The following NBAS variants were observed in gnomAD, a reference collection of about 807,000 sequenced individuals.
NBAS encodes NAG/BC035112 fusion.
A neutral mutation model predicts 302.5 loss-of-function variants in NBAS; 219 were observed. The observed-to-expected ratio is 0.72, with a 90% CI of 0.65 to 0.81. The LOEUF is 0.81. Among genes scored for constraint, NBAS ranks in the 30% least tolerant of loss-of-function variants. The pLI, the probability that NBAS is intolerant of heterozygous loss-of-function variation, is 0.00. For synonymous variants in NBAS, 1,118 were observed against 1,021.6 expected (o/e 1.09, Z -1.80); for missense variants, 2,932 against 2,841.6 (o/e 1.03, Z -0.72).
chr2:15,146,620 G>A, the NBAS span, among the ~76,000 whole-genome samples: 2 of 152,086 alleles, frequency 1.3e-5, no homozygotes, highest in African/African-American at 4.8e-5. Context: ...CCCGAAGAAC[G>A]TCCCAGGCAT....
rs148331719 is a variant in NBAS at position 15,342,570 on chromosome 2, T to C, written c.4179+9422A>G. ...ACTTAGGAATATGGAAGGAAACATA[T>C]GAAGTTAGAAATGTTTATATCTAAG... On this transcript the variant is annotated intron_variant, in intron 35 of 51. Coordinates refer to ENST00000281513, the MANE Select transcript of NBAS (RefSeq NM_015909.4). 3.0e-3 allele frequency among the ~76,000 whole-genome samples: 451 copies of C among 152,166 alleles called. 1 individual carries two copies. Among genetic ancestry groups the C allele is most frequent in the African/African-American group, 0.01 (418 of 41,550 alleles).
Position 15,182,509 on chromosome 2 carries a change from G to T in NBAS, c.6712-3393C>A, listed in dbSNP as rs1350584786. Among the ~76,000 whole-genome samples, 4 of 152,132 alleles carry T rather than the reference G, an allele frequency of 2.6e-5. No individual in the cohort carries two copies. In the South Asian group the frequency reaches 8.3e-4, roughly 32 times the overall value. ...CTTTTAGAAGCTGGGAATTATTAAG[G>T]CTCACTCATGAGCTGGGTGACTTAA... On this transcript the variant is annotated intron_variant, in intron 50 of 51. Coordinates refer to ENST00000281513, the MANE Select transcript of NBAS (RefSeq NM_015909.4).
Position 15,172,444 on chromosome 2 carries a change from G to A in NBAS, c.6841-5121C>T, listed in dbSNP as rs141260643. On this transcript the variant is annotated intron_variant, in intron 51 of 51. Coordinates refer to ENST00000281513, the MANE Select transcript of NBAS (RefSeq NM_015909.4). ...AACCTATTGTTTACAGTTCTGTTTC[G>A]GTTGTTTTTTGTTGTATAGAAGTTT... 5.9e-5 allele frequency among the ~76,000 whole-genome samples: 9 copies of A among 152,104 alleles called. No homozygotes were observed. The East Asian group carries it at 9.7e-4, about 16-fold the overall frequency.
At position 15,338,674 on chromosome 2, in the gene NBAS, T is replaced by TACACACACACACAC. The variant is rs70961409; in HGVS notation, c.4180-7923_4180-7910dup. Among the ~76,000 whole-genome samples the TACACACACACACAC allele has an allele frequency of 4.5e-3, 604 of 134,824 alleles. 9 individuals are homozygous for TACACACACACACAC. Among genetic ancestry groups the TACACACACACACAC allele is most frequent in the Middle Eastern group, 7.1e-3 (2 of 280 alleles). The allele number at this position is 134,824 out of a possible 152,430, so 88.4% of individuals were successfully genotyped here. A position where few individuals can be genotyped will look rare whatever the true frequency, so the allele number is the denominator to read the frequency against. On this transcript the variant is annotated intron_variant, in intron 35 of 51. Coordinates refer to ENST00000281513, the MANE Select transcript of NBAS (RefSeq NM_015909.4). ...ACTCACATGAATACAAACACACACA[T>TACACACACACACAC]ACACACACACACACACACACACACA...
chr2:15,321,525 C>A (rs1433265433), intron 38 of NBAS, among the ~76,000 whole-genome samples: 3 of 152,082 alleles, frequency 2.0e-5, no homozygotes, highest in African/African-American at 7.2e-5. Flanking sequence ...CCAGAATCTA[C>A]AAAGAACTGA....
At chr2:15,364,109 C>G (rs926315323) in intron 32 of NBAS, among the ~76,000 whole-genome samples, 5 of 152,308 alleles carry the variant, frequency 3.3e-5, no homozygotes, top group Non-Finnish European at 7.4e-5. Flanking sequence ...GCAGAACCTT[C>G]AGCCCCATTA....
chr2:15,207,637 G>A (rs963725880), intron 48 of NBAS, among the ~76,000 whole-genome samples: 2 of 152,086 alleles, frequency 1.3e-5, no homozygotes, highest in Non-Finnish European at 2.9e-5. Context: ...TCATGGGGGT[G>A]GACTTCCCCC....
intron 12 of NBAS, among the ~76,000 whole-genome samples, chr2:15,482,776 T>A (rs1680482498): frequency 6.6e-6 from 1 of 152,098 alleles, no homozygotes; most frequent in East Asian, 1.9e-4. Flanking sequence ...TATCTTTACA[T>A]CTTCCATTCC....
At chr2:14,964,551 G>A in the NBAS span, among the ~76,000 whole-genome samples, 1 of 152,128 alleles carries the variant, frequency 6.6e-6, no homozygotes, top group African/African-American at 2.4e-5. Context: ...AGGGAAAATT[G>A]ATTGATAGAA....
chr2:15,129,870 C>T, the NBAS span, among the ~76,000 whole-genome samples: 4 of 152,208 alleles, frequency 2.6e-5, no homozygotes, highest in African/African-American at 7.2e-5. Context: ...AAAGGCATAC[C>T]GTGTCCTCAC....
intron 9 of NBAS, among the ~76,000 whole-genome samples, chr2:15,529,152 G>A (rs887449362): frequency 1.3e-5 from 2 of 151,698 alleles, no homozygotes; most frequent in East Asian, 1.9e-4. Flanking sequence ...AAACATATTC[G>A]AAAAGTATAT....
chr2:15,489,274 T>C (rs1680758535), intron 11 of NBAS, among the ~76,000 whole-genome samples: 1 of 152,160 alleles, frequency 6.6e-6, no homozygotes, highest in African/African-American at 2.4e-5. Flanking sequence ...TATTTACATA[T>C]AACCGAAAAA....
chr2:15,088,347 C>A, the NBAS span, among the ~76,000 whole-genome samples: 1 of 152,156 alleles, frequency 6.6e-6, no homozygotes, highest in African/African-American at 2.4e-5. Context: ...TGACAAGAGA[C>A]AATTTTTAAT....
the NBAS span, among the ~76,000 whole-genome samples, chr2:15,034,469 T>G: frequency 1.3e-5 from 2 of 152,070 alleles, no homozygotes; most frequent in Non-Finnish European, 2.9e-5. Flanking sequence ...CTTTCAGAAC[T>G]GTGAAAAATA....
chr2:15,245,076 T>G (rs1668030468), intron 44 of NBAS, among the ~76,000 whole-genome samples: 1 of 152,128 alleles, frequency 6.6e-6, no homozygotes, highest in South Asian at 2.1e-4. Context: ...GGTTGCTTTG[T>G]TACTCCAGCA....
At chr2:15,092,471 A>G in the NBAS span, among the ~76,000 whole-genome samples, 6 of 152,262 alleles carry the variant, frequency 3.9e-5, no homozygotes, top group African/African-American at 1.4e-4. Flanking sequence ...GTAAAGATTC[A>G]TAAATTAGCT....
chr2:15,534,163 A>G (rs1159264977), intron 9 of NBAS, among the ~76,000 whole-genome samples: 2 of 152,320 alleles, frequency 1.3e-5, no homozygotes, highest in South Asian at 2.1e-4. Flanking sequence ...ACTAGCAAGG[A>G]AAGAAAGAAG....
the NBAS span, among the ~76,000 whole-genome samples, chr2:14,876,601 T>C: frequency 6.6e-6 from 1 of 152,214 alleles, no homozygotes; most frequent in East Asian, 1.9e-4. Flanking sequence ...TGCAGTGTTA[T>C]TGGGAAATGG....
chr2:14,976,255 G>A, the NBAS span, among the ~76,000 whole-genome samples: 278 of 152,306 alleles, frequency 1.8e-3, 1 homozygote, highest in African/African-American at 6.5e-3. Flanking sequence ...TGGTTGAGCC[G>A]AGGAGACTGA....
Sources: allele counts gnomAD v4.1 joint callset (sites outside exome capture counted in the v4.1 genomes callset), GRCh38; gene constraint gnomAD v4.1.1; transcripts MANE v1.5; gene names NCBI Gene and HGNC (gene_info 2026-07-23, HGNC 2026-07-21).